Variants in PTGFRN observed in about 807,000 individuals in gnomAD.
PTGFRN encodes the protein prostaglandin F2 receptor negative regulator.
In PTGFRN, 35 loss-of-function variants were observed where a neutral mutation model predicts 83.2. The ratio of observed to expected loss-of-function variants is 0.42; its 90% CI spans 0.32 to 0.56. PTGFRN has a LOEUF of 0.56. Among genes scored for constraint, PTGFRN ranks in the 20% least tolerant of loss-of-function variants. PTGFRN has a pLI of 0.11. For synonymous variants in PTGFRN, 519 were observed against 498.6 expected (o/e 1.04, Z -0.55); for missense variants, 1,051 against 1,179.5 (o/e 0.89, Z 1.60).
At chr1:116,978,333 A>G (rs984928505) in intron 7 of PTGFRN, among the ~76,000 whole-genome samples, 2 of 152,226 alleles carry the variant, frequency 1.3e-5, no homozygotes, top group African/African-American at 2.4e-5. Flanking sequence ...AAGTATTCCA[A>G]TCAATAGAAA....
chr1:116,933,300 A>G (rs1458695263), intron 1 of PTGFRN, among the ~76,000 whole-genome samples: 2 of 151,736 alleles, frequency 1.3e-5, no homozygotes, highest in Non-Finnish European at 2.9e-5. Flanking sequence ...TAGAGATTAG[A>G]ACACGTATCA....
intron 2 of PTGFRN, among the ~76,000 whole-genome samples, chr1:116,943,400 T>G (rs1052926029): frequency 4.0e-5 from 6 of 151,742 alleles, no homozygotes; most frequent in African/African-American, 1.5e-4. Context: ...GGAGGGAGAG[T>G]AAGGGGAGAA....
At chr1:116,959,869 G>T (rs1028560202) in intron 4 of PTGFRN, among the ~76,000 whole-genome samples, 3 of 151,988 alleles carry the variant, frequency 2.0e-5, no homozygotes, top group Non-Finnish European at 2.9e-5. Context: ...CCAGCTATTT[G>T]GTTGGCTGAA....
intron 1 of PTGFRN, among the ~76,000 whole-genome samples, chr1:116,932,534 G>A (rs1649824558): frequency 6.6e-6 from 1 of 152,212 alleles, no homozygotes; most frequent in Non-Finnish European, 1.5e-5. Flanking sequence ...GTATAAATAT[G>A]CGTGGTGTTA....
intron 1 of PTGFRN, among the ~76,000 whole-genome samples, chr1:116,921,119 T>G (rs1649526096): frequency 6.6e-6 from 1 of 152,234 alleles, no homozygotes; most frequent in African/African-American, 2.4e-5. Context: ...CTTATGTGTA[T>G]GAGCTCAGTC....
rs764877952 is a variant in PTGFRN, at chr1:116,910,213, C to T, written c.10C>T (p.Leu4=). Residue 4 remains leucine (L), a synonymous_variant, in exon 1 of 9, where the codon CTG becomes TTG. Transcript: ENST00000393203. Reference sequence around the variant, plus strand: ...CTCCCGCCGGGCGAGCATGGGGCGCCTGGCCTCGAGGCCGCTGCTGCTGGC... The same window carrying T: ...CTCCCGCCGGGCGAGCATGGGGCGCTTGGCCTCGAGGCCGCTGCTGCTGGC... MGR[L]ASRPLLLALL... 9.5e-6 allele frequency: 14 copies of T among 1,468,612 alleles called. No homozygotes were observed. The East Asian group carries it at 3.0e-4, about 31-fold the overall frequency. The allele number at this position is 1,468,612 out of a possible 1,614,324, so 91.0% of individuals were successfully genotyped here. A position where few individuals can be genotyped will look rare whatever the true frequency, so the allele number is the denominator to read the frequency against.
intron 7 of PTGFRN, among the ~76,000 whole-genome samples, chr1:116,978,207 G>A (rs1028120129): frequency 2.0e-5 from 3 of 152,132 alleles, no homozygotes; most frequent in Non-Finnish European, 2.9e-5. Flanking sequence ...CCAATAACAG[G>A]CTCTGAAGTT....
At chr1:116,981,137 A>G (rs1292804740) in intron 7 of PTGFRN, among the ~76,000 whole-genome samples, 4 of 152,140 alleles carry the variant, frequency 2.6e-5, no homozygotes, top group Non-Finnish European at 5.9e-5. Flanking sequence ...TCATTTAGTG[A>G]CCAGTTGATG....
intron 5 of PTGFRN, among the ~76,000 whole-genome samples, chr1:116,965,391 T>C (rs1291314512): frequency 1.3e-5 from 2 of 152,168 alleles, no homozygotes; most frequent in Non-Finnish European, 2.9e-5. Context: ...CTCAAACTCC[T>C]GGACTCAAGC....
intron 6 of PTGFRN, among the ~76,000 whole-genome samples, chr1:116,971,266 A>C (rs1650986464): frequency 6.6e-6 from 1 of 151,786 alleles, no homozygotes; most frequent in African/African-American, 2.4e-5. Context: ...TAATGACTTT[A>C]CATACTTGAA....
In PTGFRN at chr1:116,987,893, G is replaced by T. The variant is rs1651554124; in HGVS notation, c.*926G>T. The T allele has an allele frequency of 6.6e-6, 1 of 152,378 alleles. No individual in the cohort carries two copies. Among genetic ancestry groups the T allele is most frequent in the Admixed American group, 6.5e-5 (1 of 15,278 alleles). 9.4% of individuals were successfully genotyped at this position (152,378 alleles called of 1,614,324 possible). On this transcript the variant is annotated 3_prime_UTR_variant, in exon 9 of 9. Transcript: ENST00000393203. Reference sequence around the variant, plus strand: ...GATCCCACGAAGTTATTCTTACGCAGCTGGGGCCAGGAGGGTCAGAGTGGT... The same window carrying T: ...GATCCCACGAAGTTATTCTTACGCATCTGGGGCCAGGAGGGTCAGAGTGGT...
rs766320592 is a variant in PTGFRN at position 116,949,552 on chromosome 1, G to T, written c.1193G>T (p.Gly398Val). Residue 398 changes from glycine (G) to valine (V), a missense_variant, in exon 4 of 9, where the codon GGT becomes GTT. Around this residue, in one of 3 missense-constraint regions of PTGFRN, gnomAD observed 719 missense variants for 836.6 expected, o/e 0.86. Transcript: ENST00000393203. ...GCAGAGGCCGTGTCTTCCCCAGCTG[G>T]TGTGGGTGTGACCTGGCTAGGTGAG... is the stretch of plus-strand genomic sequence containing the variant. ...KVAEAVSSPA[G>V]VGVTWLEPDY... 15 of 1,613,366 alleles carry T rather than the reference G, an allele frequency of 9.3e-6. No individual in the cohort carries two copies. The highest frequency in any genetic ancestry group is 1.3e-5 in the Non-Finnish European group (15 of 1,179,918).
chr1:116,954,284 C>T (rs918124827), intron 4 of PTGFRN, among the ~76,000 whole-genome samples: 4 of 152,138 alleles, frequency 2.6e-5, no homozygotes, highest in Admixed American at 6.5e-5. Flanking sequence ...GGTAATGAGT[C>T]TCCCCTCCCA....
At chr1:116,951,852 G>T (rs960139471) in intron 4 of PTGFRN, among the ~76,000 whole-genome samples, 8 of 152,106 alleles carry the variant, frequency 5.3e-5, no homozygotes, top group Admixed American at 5.2e-4. Context: ...GTTGTCTCTA[G>T]ATATGTAATG....
In PTGFRN at chr1:116,958,583, T is replaced by C. The variant is rs75404691; in HGVS notation, c.1214-2660T>C. 3.4e-3 allele frequency among the ~76,000 whole-genome samples: 521 copies of C among 152,302 alleles called. 2 individuals are homozygous for C. The highest frequency in any genetic ancestry group is 0.012 in the African/African-American group (495 of 41,566). ...GTGTATGTGTATATGAATATGTGTGTACCTGCATACACACACACACCAGGC... is the reference window on the plus strand; with the variant it reads ...GTGTATGTGTATATGAATATGTGTGCACCTGCATACACACACACACCAGGC... On this transcript the variant is annotated intron_variant, in intron 4 of 8. Transcript: ENST00000393203. The surrounding 1 kb of genome is among the most constrained non-coding windows in gnomAD (Gnocchi z 4.9).
At chr1:116,950,081 C>T (rs1321715457) in intron 4 of PTGFRN, among the ~76,000 whole-genome samples, 2 of 152,166 alleles carry the variant, frequency 1.3e-5, no homozygotes, top group African/African-American at 4.8e-5. Context: ...CCGCCTGCTT[C>T]TATAGGCTTG....
intron 1 of PTGFRN, among the ~76,000 whole-genome samples, chr1:116,932,507 C>G (rs962790929): frequency 2.0e-5 from 3 of 152,168 alleles, no homozygotes; most frequent in Non-Finnish European, 2.9e-5. Context: ...GAATAAAGTT[C>G]TCTGCACCAT....
intron 1 of PTGFRN, among the ~76,000 whole-genome samples, chr1:116,926,862 A>C (rs1466194802): frequency 6.6e-6 from 1 of 152,198 alleles, no homozygotes; most frequent in African/African-American, 2.4e-5. Flanking sequence ...TGGAGAAGTG[A>C]AGGCCTAAAA....
rs1238654118 is a variant in PTGFRN, at chr1:116,910,056, G to A, written c.-148G>A. ...GGGGCGCACGTACGCCCCAGCGCTG[G>A]GATTTATCGGCTCGCGAGGAGAGCG... On this transcript the variant is annotated 5_prime_UTR_variant, in exon 1 of 9. Transcript: ENST00000393203. The A allele has an allele frequency of 3.4e-6, 3 of 876,416 alleles. No homozygotes were observed. Among genetic ancestry groups the A allele is most frequent in the African/African-American group, 3.5e-5 (2 of 57,638 alleles). 54.3% of individuals were successfully genotyped at this position (876,416 alleles called of 1,614,324 possible).
Sources: allele counts gnomAD v4.1 joint callset (sites outside exome capture counted in the v4.1 genomes callset), GRCh38; gene constraint gnomAD v4.1.1; regional missense constraint gnomAD v4.1.1; non-coding constraint Gnocchi (gnomAD v3.1); transcripts MANE v1.5; gene names NCBI Gene and HGNC (gene_info 2026-07-23, HGNC 2026-07-21).